Variants in MYH11 observed in about 807,000 individuals in gnomAD.
The protein encoded by MYH11 is myosin-11.
MYH11 carries 80 observed loss-of-function variants against 246.6 expected under a neutral mutation model. The ratio of observed to expected loss-of-function variants is 0.32; its 90% CI spans 0.27 to 0.39. MYH11 has a LOEUF of 0.39. MYH11 is among the 10% of genes least tolerant of loss of function. The pLI is 1.00. For synonymous variants in MYH11, 1,071 were observed against 1,015.5 expected, an observed-to-expected ratio of 1.05 and a Z score of -1.04; for missense variants, 2,158 against 2,546.8, an observed-to-expected ratio of 0.85 and a Z score of 3.29.
chr16:15,764,210 AGAGTTAATGAGTT>A (rs2041931652), intron 9 of MYH11, among the ~76,000 whole-genome samples: 1 of 152,334 alleles, frequency 6.6e-6, no homozygotes, highest in African/African-American at 2.4e-5. Context: ...CTACACTGGC[AGAGTTAATGAGTT>A]GCAACAAAGA....
At chr16:15,725,133 A>T (rs902726625) in intron 28 of MYH11, 141 bp from the exon 29 acceptor site, 27 of 634,736 alleles carry the variant, frequency 4.3e-5, no homozygotes, top group Middle Eastern at 7.7e-4. Context: ...TGGGACTCTG[A>T]TAAAAAAAAA....
intron 40 of MYH11, among the ~76,000 whole-genome samples, chr16:15,710,705 A>G (rs2039737770): frequency 6.6e-6 from 1 of 151,080 alleles, no homozygotes; most frequent in East Asian, 1.9e-4. Flanking sequence ...TTTTGGAGAC[A>G]GAGTCTTGCT....
At chr16:15,767,480 C>T (rs531954574) in intron 9 of MYH11, among the ~76,000 whole-genome samples, 1 of 152,132 alleles carries the variant, frequency 6.6e-6, no homozygotes, top group South Asian at 2.1e-4. Context: ...TGGGGGGTTA[C>T]ATTTATTTTT....
chr16:15,821,555 T>C (rs1026337133), intron 3 of MYH11, among the ~76,000 whole-genome samples: 5 of 152,136 alleles, frequency 3.3e-5, no homozygotes, highest in African/African-American at 1.2e-4. Context: ...CCTTCTCCTT[T>C]GCTAACAGAA....
Position 15,838,873 on chromosome 16 carries a change from A to G in MYH11, c.-17-604T>C, listed in dbSNP as rs1025095249. On this transcript the variant is annotated intron_variant, in intron 1 of 40. Coordinates refer to ENST00000300036, the MANE Select transcript of MYH11 (RefSeq NM_002474.3). ...CTCCATCTCAAAAAAAAAAAAAAAA[A>G]AAGAAGAAGAAGCCGGAAGTAAGTG... Among the ~76,000 whole-genome samples, 159 of 146,208 alleles carry G rather than the reference A, an allele frequency of 1.1e-3. 2 individuals carry two copies. The South Asian group carries it at 0.016, about 15-fold the overall frequency.
At chr16:15,773,707 T>C (rs11641649) in intron 8 of MYH11, among the ~76,000 whole-genome samples, 54,678 of 152,014 alleles carry the variant, frequency 0.36, 10,572 homozygotes, top group South Asian at 0.49. Flanking sequence ...ATGTCCTTGT[T>C]TATTTCTCAT....
rs1425599394 is a variant in MYH11 at position 15,823,346 on chromosome 16, C to G, written c.411G>C (p.Lys137Asn). The G allele has an allele frequency of 1.2e-6, 2 of 1,614,084 alleles. No homozygotes were observed. Among genetic ancestry groups the G allele is most frequent in the Non-Finnish European group, 1.7e-6 (2 of 1,180,052 alleles). Reference protein sequence around the residue: ...PYKHLPIYSEKIVDMYKGKKR... With the variant: ...PYKHLPIYSENIVDMYKGKKR... The stretch of plus-strand genomic sequence containing the variant: ...TCTTGCCCTTGTACATGTCGACGAT[C>G]TTCTCCGAGTAGATGGGCAGGTGTT... The change falls in exon 3 of 41, where the codon AAG becomes AAC. Residue 137 changes from lysine (K) to asparagine (N), a missense_variant. By Grantham distance (94) the Lys-to-Asn change is moderately conservative. Transcript: ENST00000300036.
At chr16:15,807,558 G>T (rs2043041829) in intron 3 of MYH11, among the ~76,000 whole-genome samples, 1 of 152,050 alleles carries the variant, frequency 6.6e-6, no homozygotes, top group African/African-American at 2.4e-5. Context: ...CCCAAGCAGA[G>T]GGCCTGGGAC....
At chr16:15,812,709 C>T (rs192659850) in intron 3 of MYH11, among the ~76,000 whole-genome samples, 9 of 151,558 alleles carry the variant, frequency 5.9e-5, no homozygotes, top group African/African-American at 2.2e-4. Flanking sequence ...CCCGTCTCCA[C>T]AAAAAATACA....
At chr16:15,720,515 C>G (rs1448393853) in intron 33 of MYH11, among the ~76,000 whole-genome samples, 5 of 151,130 alleles carry the variant, frequency 3.3e-5, no homozygotes, top group African/African-American at 1.2e-4. Flanking sequence ...GGGAGGCCAA[C>G]AGGAGAATGG....
intron 25 of MYH11, among the ~76,000 whole-genome samples, 169 bp downstream of exon 25, chr16:15,737,280 G>A (rs1435588892): frequency 3.9e-5 from 6 of 152,186 alleles, no homozygotes; most frequent in African/African-American, 1.4e-4. Context: ...GAGGATCTGG[G>A]GGAGTGAACA....
chr16:15,714,769 T>C, intron 40 of MYH11, 140 bp downstream of exon 40: 1 of 1,109,964 alleles, frequency 9.0e-7, no homozygotes. Flanking sequence ...GCTTAGTGAT[T>C]AAGGAGAAGC....
Position 15,725,134 on chromosome 16 carries a change from T to TA in MYH11, c.3859-143dup, listed in dbSNP as rs60544332. On this transcript the variant is annotated intron_variant, in intron 28 of 40. Transcript: ENST00000300036. ...ATACCCGTGAGGTATGGGACTCTGA[T>TA]AAAAAAAAAAAAAAACACACACACA... The TA allele has an allele frequency of 0.14, 69,588 of 489,560 alleles. 303 individuals are homozygous for TA. Among genetic ancestry groups the TA allele is most frequent in the South Asian group, 0.19 (7,843 of 40,730 alleles). The allele number at this position is 489,560 out of a possible 1,614,324, so 30.3% of individuals were successfully genotyped here.
chr16:15,720,047 G>A (rs2040383427), intron 34 of MYH11, 104 bp downstream of exon 34: 3 of 1,457,400 alleles, frequency 2.1e-6, no homozygotes, highest in South Asian at 2.3e-5. Flanking sequence ...CACACCAATG[G>A]CAGGTGCAGG....
intron 1 of MYH11, among the ~76,000 whole-genome samples, chr16:15,842,466 G>GA (rs566454110): frequency 1.3e-5 from 2 of 151,542 alleles, no homozygotes; most frequent in East Asian, 1.9e-4. Context: ...CGTAGCTGAT[G>GA]AAAAAAAAGT....
At chr16:15,794,241 C>A (rs889585309) in intron 4 of MYH11, among the ~76,000 whole-genome samples, 1 of 151,912 alleles carries the variant, frequency 6.6e-6, no homozygotes, top group Non-Finnish European at 1.5e-5. Context: ...CCACAGTGCG[C>A]GGCCAATTTT....
intron 3 of MYH11, among the ~76,000 whole-genome samples, chr16:15,799,400 C>T (rs566232916): frequency 6.6e-6 from 1 of 152,264 alleles, no homozygotes; most frequent in Admixed American, 6.5e-5. Flanking sequence ...CCCAAGCAGC[C>T]CAGTTTCTGT....
Position 15,829,918 on chromosome 16 carries a change from T to C in MYH11, c.346-6507A>G, listed in dbSNP as rs551709913. ...GGGAGGCCAAGGTGGGTGGATCACC[T>C]GAGGTCAAGAGTTCGAGACCAGCCC... On this transcript the variant is annotated intron_variant, in intron 2 of 40. Coordinates refer to ENST00000300036, the MANE Select transcript of MYH11 (RefSeq NM_002474.3). Among the ~76,000 whole-genome samples, 12 of 152,268 alleles carry C rather than the reference T, an allele frequency of 7.9e-5. No homozygotes were observed. The East Asian group carries it at 2.3e-3, about 29-fold the overall frequency.
intron 3 of MYH11, among the ~76,000 whole-genome samples, chr16:15,820,694 C>T (rs561394089): frequency 2.0e-5 from 3 of 152,120 alleles, no homozygotes; most frequent in Admixed American, 6.6e-5. Context: ...ATGAAGATGT[C>T]GTTTTATGCT....
Sources: gnomAD v4.1 joint callset for allele counts (sites outside exome capture counted in the v4.1 genomes callset) on GRCh38, gnomAD v4.1.1 for gene constraint, MANE v1.5 for transcripts, NCBI Gene and HGNC (gene_info 2026-07-23, HGNC 2026-07-21) for gene names.